ANO5: variants seen among roughly 807,000 people sequenced by gnomAD.
ANO5 encodes the protein anoctamin-5.
ANO5 carries 109 observed loss-of-function variants against 121.0 expected under a neutral mutation model. That is an observed-to-expected ratio of 0.90 (90% CI 0.77 to 1.06). The LOEUF is 1.06. Ranked by LOEUF, ANO5 falls within the 50% of genes least tolerant of loss-of-function variation. The probability of loss-of-function intolerance (pLI) is 0.00; values close to 1 mark genes in which losing one functional copy is unlikely to be tolerated. For synonymous variants in ANO5, 406 were observed against 359.9 expected (o/e 1.13, Z -1.45); for missense variants, 1,064 against 1,078.5 (o/e 0.99, Z 0.19).
intron 7 of ANO5, among the ~76,000 whole-genome samples, chr11:22,234,460 A>G (rs1022786162): frequency 6.6e-6 from 1 of 152,114 alleles, no homozygotes; most frequent in African/African-American, 2.4e-5. Flanking sequence ...TCTTGCTTCA[A>G]TTTTAGCAGA....
At chr11:22,235,492 G>A (rs985932836) in intron 7 of ANO5, among the ~76,000 whole-genome samples, 7 of 151,836 alleles carry the variant, frequency 4.6e-5, no homozygotes, top group African/African-American at 1.7e-4. Context: ...GTAAAAGAAA[G>A]GAAAGGTAGG....
intron 5 of ANO5, among the ~76,000 whole-genome samples, chr11:22,225,242 G>A (rs1852785241): frequency 6.6e-6 from 1 of 152,050 alleles, no homozygotes. Flanking sequence ...AGGATGAGTT[G>A]AGGCCAGGAG....
intron 17 of ANO5, among the ~76,000 whole-genome samples, chr11:22,263,459 CTT>C (rs565923225): frequency 3.5e-3 from 527 of 152,160 alleles, no homozygotes; most frequent in Non-Finnish European, 6.0e-3. Flanking sequence ...AAAAGGTGAA[CTT>C]TGTAAAAATA....
At chr11:22,200,193 A>C (rs1851923366) in intron 1 of ANO5, among the ~76,000 whole-genome samples, 1 of 152,144 alleles carries the variant, frequency 6.6e-6, no homozygotes, top group African/African-American at 2.4e-5. Flanking sequence ...TACAAAAATT[A>C]TTTCATTTGC....
chr11:22,233,876 G>C (rs1272806822), intron 7 of ANO5, among the ~76,000 whole-genome samples: 5 of 152,082 alleles, frequency 3.3e-5, no homozygotes, highest in Non-Finnish European at 7.4e-5. Flanking sequence ...CCAAAAAACT[G>C]TTGCCATGGC....
At chr11:22,270,945 A>G (rs984955429) in intron 18 of ANO5, among the ~76,000 whole-genome samples, 6 of 152,238 alleles carry the variant, frequency 3.9e-5, no homozygotes, top group African/African-American at 1.4e-4. Context: ...AGGTTTGAAC[A>G]GAGAAGAGAC....
intron 1 of ANO5, among the ~76,000 whole-genome samples, chr11:22,199,046 A>G (rs934598249): frequency 5.9e-5 from 9 of 152,136 alleles, no homozygotes; most frequent in Non-Finnish European, 1.3e-4. Context: ...GAAAGCCTGC[A>G]CTCAGAAAGT....
At chr11:22,250,920 CTT>C in intron 11 of ANO5, 29 bp from the exon 12 acceptor site, 1 of 1,608,654 alleles carries the variant, frequency 6.2e-7, no homozygotes, top group Non-Finnish European at 8.5e-7. Flanking sequence ...ACTAAATTAT[CTT>C]TGTGATATTG....
chr11:22,193,676 A>C, intron 1 of ANO5, 144 bp downstream of exon 1: 1 of 1,108,042 alleles, frequency 9.0e-7, no homozygotes, highest in African/African-American at 1.6e-5. Context: ...CTCAGCGCGA[A>C]ACCGGGACTG....
chr11:22,277,331 G>C (rs1269837097), intron 21 of ANO5, among the ~76,000 whole-genome samples: 4 of 151,504 alleles, frequency 2.6e-5, no homozygotes, highest in Admixed American at 6.6e-5. Context: ...AGCAACATAT[G>C]ATCTAATTCT....
upstream of ANO5, among the ~76,000 whole-genome samples, chr11:22,192,528 G>A (rs1270870444): frequency 1.3e-5 from 2 of 152,178 alleles, no homozygotes; most frequent in African/African-American, 2.4e-5. Context: ...TGGAGTCTCG[G>A]GCCATGAGCC....
chr11:22,239,998 C>A (rs966876085), intron 9 of ANO5, among the ~76,000 whole-genome samples: 9 of 152,014 alleles, frequency 5.9e-5, no homozygotes, highest in African/African-American at 2.2e-4. Context: ...ATAGATATAA[C>A]AATATTACTA....
At chr11:22,202,823 C>A (rs1229381230) in intron 1 of ANO5, among the ~76,000 whole-genome samples, 1 of 152,128 alleles carries the variant, frequency 6.6e-6, no homozygotes, top group Non-Finnish European at 1.5e-5. Flanking sequence ...TGCCTCTGTT[C>A]CCTCTTCTTT....
chr11:22,219,004 TTTATA>T (rs1339096919), intron 4 of ANO5, among the ~76,000 whole-genome samples: 2 of 152,066 alleles, frequency 1.3e-5, no homozygotes, highest in African/African-American at 2.4e-5. Flanking sequence ...ACAAAATATA[TTTATA>T]TTATGTTTTG....
chr11:22,195,846 G>T (rs770224089), intron 1 of ANO5, among the ~76,000 whole-genome samples: 2 of 152,110 alleles, frequency 1.3e-5, no homozygotes, highest in African/African-American at 4.8e-5. Context: ...GAGGAATACC[G>T]TATATTTGAT....
intron 12 of ANO5, among the ~76,000 whole-genome samples, chr11:22,255,114 A>T (rs78051274): frequency 6.6e-6 from 1 of 152,176 alleles, no homozygotes; most frequent in Non-Finnish European, 1.5e-5. Flanking sequence ...GAAATATATT[A>T]ATATGTCTGA....
At chr11:22,229,301 G>A (rs1852955737) in intron 7 of ANO5, among the ~76,000 whole-genome samples, 1 of 151,914 alleles carries the variant, frequency 6.6e-6, no homozygotes, top group Admixed American at 6.6e-5. Flanking sequence ...CTGATTCCAT[G>A]TTTTTTCTAG....
intron 9 of ANO5, among the ~76,000 whole-genome samples, chr11:22,245,780 C>T (rs899617291): frequency 1.3e-5 from 2 of 152,124 alleles, no homozygotes; most frequent in East Asian, 1.9e-4. Flanking sequence ...CACCTTTCTG[C>T]AGTGTTAAAA....
At position 22,193,534 on chromosome 11, in the gene ANO5, T is replaced by C. The variant is rs760033003; in HGVS notation, c.40+2T>C. 1.9e-6 allele frequency: 3 copies of C among 1,612,218 alleles called. No individual in the cohort carries two copies. Among genetic ancestry groups the C allele is most frequent in the Non-Finnish European group, 2.5e-6 (3 of 1,179,574 alleles). ...TCCTGGAAGTGTTGGCGGAGGAAGG[T>C]AGGACCGCGCCAAGAGGCGTCAAGG... On this transcript the variant is annotated splice_donor_variant, in intron 1 of 21. Coordinates refer to ENST00000324559, the MANE Select transcript of ANO5 (RefSeq NM_213599.3). LOFTEE classifies it high-confidence loss of function.
Sources: allele counts gnomAD v4.1 joint callset (sites outside exome capture counted in the v4.1 genomes callset), GRCh38; gene constraint gnomAD v4.1.1; transcripts MANE v1.5; gene names NCBI Gene and HGNC (gene_info 2026-07-23, HGNC 2026-07-21).